MSRA: variants seen among roughly 807,000 people sequenced by gnomAD.
MSRA encodes the protein mitochondrial peptide methionine sulfoxide reductase.
In MSRA, 54 loss-of-function variants were observed where a neutral mutation model predicts 31.3. That is an observed-to-expected ratio of 1.73 (90% CI 1.39 to 2.17). MSRA has a LOEUF of 2.17. Ranked by LOEUF, MSRA falls within the 30% of genes most tolerant of loss-of-function variation. The pLI, the probability that MSRA is intolerant of heterozygous loss-of-function variation, is 0.00. For synonymous variants in MSRA, 169 were observed against 116.5 expected (o/e 1.45, Z -2.90); for missense variants, 507 against 300.9 (o/e 1.69, Z -5.07).
rs1491414892 is a variant in MSRA at position 10,113,764 on chromosome 8, T to TG, written c.142+59106_142+59107insG. Among the ~76,000 whole-genome samples the TG allele has an allele frequency of 1.1e-3, 156 of 146,608 alleles. 1 individual carries two copies. Among genetic ancestry groups the TG allele is most frequent in the African/African-American group, 2.7e-3 (106 of 39,552 alleles). ...GCCTTAAGCAGCCCAGGTATTTGCA[T>TG]TTTTTTTTTTTTTAAAAAAAAGATT... On this transcript the variant is annotated intron_variant, in intron 1 of 5. Transcript: ENST00000317173.
chr8:10,124,078 G>C (rs531062613), intron 1 of MSRA, among the ~76,000 whole-genome samples: 1 of 151,978 alleles, frequency 6.6e-6, no homozygotes, highest in African/African-American at 2.4e-5. Context: ...GTGTGGGTGG[G>C]GCTGCAGCCT....
chr8:10,118,467 C>T (rs1800848757), intron 1 of MSRA, among the ~76,000 whole-genome samples: 1 of 152,108 alleles, frequency 6.6e-6, no homozygotes. Flanking sequence ...ATGCTACAGG[C>T]CTGATCCATC....
chr8:10,270,405 C>T (rs1398256696), intron 3 of MSRA, among the ~76,000 whole-genome samples: 1 of 49,152 alleles, frequency 2.0e-5, no homozygotes, highest in African/African-American at 5.7e-5. Context: ...AAGAAGCATA[C>T]TGAAAAAAAA....
At chr8:10,170,282 C>T (rs190165883) in intron 1 of MSRA, among the ~76,000 whole-genome samples, 65 of 152,088 alleles carry the variant, frequency 4.3e-4, no homozygotes, top group Non-Finnish European at 1.0e-4. Flanking sequence ...AGTGGGGCCT[C>T]GGGAGATGAT....
intron 1 of MSRA, chr8:10,096,146 A>C (rs1799144038): frequency 8.0e-7 from 1 of 1,243,312 alleles, no homozygotes; most frequent in East Asian, 2.9e-5. Context: ...AGGAAGTCAG[A>C]GTAAAAGTTG....
intron 2 of MSRA, among the ~76,000 whole-genome samples, chr8:10,219,314 G>T (rs1363013772): frequency 6.6e-6 from 1 of 152,116 alleles, no homozygotes; most frequent in East Asian, 1.9e-4. Context: ...CATACTTCCA[G>T]TTCTCACAGA....
intron 1 of MSRA, among the ~76,000 whole-genome samples, chr8:10,192,023 C>G (rs1807552377): frequency 6.6e-6 from 1 of 152,144 alleles, no homozygotes; most frequent in Admixed American, 6.5e-5. Context: ...GGGGCTCATT[C>G]ACAGGGCTGT....
At chr8:10,370,905 G>A (rs868235037) in intron 5 of MSRA, among the ~76,000 whole-genome samples, 1 of 152,222 alleles carries the variant, frequency 6.6e-6, no homozygotes, top group African/African-American at 2.4e-5. Context: ...AAAGGCGCCA[G>A]CGTTTTGTTC....
intron 1 of MSRA, among the ~76,000 whole-genome samples, chr8:10,147,736 C>T (rs1803273209): frequency 6.6e-6 from 1 of 152,140 alleles, no homozygotes; most frequent in Non-Finnish European, 1.5e-5. Context: ...GGCAGGGAAG[C>T]CCATGCTGCC....
chr8:10,339,041 C>G lies in MSRA; in HGVS notation c.543+19052C>G, dbSNP rs183022300. Among the ~76,000 whole-genome samples the G allele has an allele frequency of 5.3e-5, 8 of 152,298 alleles. No homozygotes were observed. In the East Asian group the frequency reaches 7.7e-4, roughly 15 times the overall value. On this transcript the variant is annotated intron_variant, in intron 5 of 5. Coordinates refer to ENST00000317173, the MANE Select transcript of MSRA (RefSeq NM_012331.5). ...AAAGATCTGGCATTTTATTCTTTTC[C>G]ATTTTTTAATTCACTGGGTTTGTTC...
intron 5 of MSRA, among the ~76,000 whole-genome samples, chr8:10,380,729 T>G (rs1022009524): frequency 5.9e-5 from 9 of 152,050 alleles, no homozygotes; most frequent in African/African-American, 1.4e-4. Flanking sequence ...ACTGGAGAGA[T>G]GGATGGAAGG....
intron 4 of MSRA, among the ~76,000 whole-genome samples, chr8:10,314,984 A>T (rs1001379670): frequency 6.6e-6 from 1 of 152,254 alleles, no homozygotes; most frequent in Non-Finnish European, 1.5e-5. Flanking sequence ...CCCAAGTTCC[A>T]CATGGCTGGG....
chr8:10,230,036 T>G (rs2129072476), intron 2 of MSRA, among the ~76,000 whole-genome samples: 1 of 152,314 alleles, frequency 6.6e-6, no homozygotes, highest in Non-Finnish European at 1.5e-5. Flanking sequence ...TCTGTGAAAA[T>G]TTCAAAGTGT....
intron 1 of MSRA, among the ~76,000 whole-genome samples, chr8:10,188,287 C>G (rs1404719796): frequency 6.6e-6 from 1 of 152,146 alleles, no homozygotes; most frequent in Non-Finnish European, 1.5e-5. Flanking sequence ...GAAATTATAT[C>G]ACATTTGTGG....
chr8:10,282,059 A>G (rs747336707), intron 3 of MSRA, among the ~76,000 whole-genome samples: 3 of 152,182 alleles, frequency 2.0e-5, no homozygotes, highest in African/African-American at 4.8e-5. Context: ...CCCACGTACA[A>G]TAGTGTGTGG....
chr8:10,084,477 A>G (rs1345507210), intron 1 of MSRA, among the ~76,000 whole-genome samples: 7 of 152,194 alleles, frequency 4.6e-5, no homozygotes, highest in Non-Finnish European at 1.0e-4. Flanking sequence ...CGTAAATATT[A>G]TTTCATGTGG....
intron 1 of MSRA, chr8:10,095,633 G>C (rs1316244423): frequency 2.1e-5 from 21 of 991,366 alleles, no homozygotes; most frequent in Non-Finnish European, 2.5e-5. Context: ...GCACAGCTCA[G>C]TCAAATCAGC....
chr8:10,276,052 G>T (rs1259698520), intron 3 of MSRA, among the ~76,000 whole-genome samples: 3 of 152,220 alleles, frequency 2.0e-5, no homozygotes, highest in Non-Finnish European at 4.4e-5. Context: ...GCCTGGGCAG[G>T]CCTCTCGCTC....
At chr8:10,133,945 C>G (rs1376209921) in intron 1 of MSRA, among the ~76,000 whole-genome samples, 1 of 152,152 alleles carries the variant, frequency 6.6e-6, no homozygotes, top group African/African-American at 2.4e-5. Flanking sequence ...ATTCTCGTTT[C>G]TCAGCCTCCT....
Sources: gnomAD v4.1 joint callset for allele counts (sites outside exome capture counted in the v4.1 genomes callset) on GRCh38, gnomAD v4.1.1 for gene constraint, MANE v1.5 for transcripts, NCBI Gene and HGNC (gene_info 2026-07-23, HGNC 2026-07-21) for gene names.